Variants in ADORA2B observed in about 807,000 individuals in gnomAD.
ADORA2B encodes adenosine receptor A2b.
ADORA2B carries 18 observed loss-of-function variants against 20.8 expected under a neutral mutation model. That is an observed-to-expected ratio of 0.87 (90% CI 0.60 to 1.29). ADORA2B has a LOEUF of 1.29. Among genes scored for constraint, ADORA2B ranks in the 50% most tolerant of loss-of-function variants. ADORA2B has a pLI of 0.00. For missense variants in ADORA2B, 441 were observed against 422.7 expected, an observed-to-expected ratio of 1.04 and a Z score of -0.38; for synonymous variants, 179 against 178.3, an observed-to-expected ratio of 1.00 and a Z score of -0.03.
At chr17:15,966,338 G>A (rs999423594) in intron 1 of ADORA2B, among the ~76,000 whole-genome samples, 6 of 152,182 alleles carry the variant, frequency 3.9e-5, no homozygotes, top group African/African-American at 1.4e-4. Context: ...CGGGTTCTGG[G>A]GCTAGTGTTT....
At chr17:15,918,790 G>A in the ADORA2B span, among the ~76,000 whole-genome samples, 2 of 152,136 alleles carry the variant, frequency 1.3e-5, no homozygotes, top group Non-Finnish European at 2.9e-5. Context: ...ATTTCTTAGC[G>A]TAAGTACACC....
At chr17:15,892,298 AGCTG>A in the ADORA2B span, among the ~76,000 whole-genome samples, 2 of 152,070 alleles carry the variant, frequency 1.3e-5, no homozygotes, top group Non-Finnish European at 2.9e-5. Flanking sequence ...CCTTCTGAGT[AGCTG>A]GATTACAGAC....
the ADORA2B span, among the ~76,000 whole-genome samples, chr17:15,884,535 A>G: frequency 6.6e-6 from 1 of 152,128 alleles, no homozygotes; most frequent in Admixed American, 6.5e-5. Context: ...GAATAAGCCC[A>G]GCATCCATTA....
chr17:15,970,312 T>C (rs538956351), intron 1 of ADORA2B, among the ~76,000 whole-genome samples: 3 of 152,282 alleles, frequency 2.0e-5, no homozygotes, highest in Non-Finnish European at 4.4e-5. Flanking sequence ...CCCCACTGAT[T>C]TAATTAGCTG....
chr17:15,938,863 T>C, the ADORA2B span, among the ~76,000 whole-genome samples: 8 of 152,238 alleles, frequency 5.3e-5, no homozygotes, highest in Non-Finnish European at 1.2e-4. Context: ...ACATATGTAC[T>C]GTTATTGCAT....
the ADORA2B span, among the ~76,000 whole-genome samples, chr17:15,895,308 C>T: frequency 6.6e-6 from 1 of 152,194 alleles, no homozygotes; most frequent in African/African-American, 2.4e-5. Context: ...TTAACCATCA[C>T]AGAATGTATT....
the ADORA2B span, among the ~76,000 whole-genome samples, chr17:15,918,355 A>T: frequency 1.3e-5 from 2 of 152,154 alleles, no homozygotes; most frequent in Admixed American, 1.3e-4. Flanking sequence ...GGCCCCTTAA[A>T]AGTCGGAGTC....
intron 1 of ADORA2B, among the ~76,000 whole-genome samples, chr17:15,961,018 T>C (rs1970030640): frequency 6.7e-6 from 1 of 150,054 alleles, no homozygotes; most frequent in Non-Finnish European, 1.5e-5. Context: ...ATACAAAAAA[T>C]TAGCCAGGCG....
intron 1 of ADORA2B, among the ~76,000 whole-genome samples, chr17:15,948,212 C>T (rs1384587599): frequency 2.6e-5 from 4 of 152,032 alleles, no homozygotes; most frequent in East Asian, 1.9e-4. Context: ...CACCTGCCAC[C>T]GCATTGCCAA....
At chr17:15,929,272 G>GATGACAGTGGTGTGGA in the ADORA2B span, among the ~76,000 whole-genome samples, 3 of 152,192 alleles carry the variant, frequency 2.0e-5, no homozygotes, top group African/African-American at 7.2e-5. Flanking sequence ...ACCCTCTGGA[G>GATGACAGTGGTGTGGA]ATGACAGTGG....
Position 15,945,757 on chromosome 17 carries a change from G to T in ADORA2B, c.335+174G>T, listed in dbSNP as rs546288326. On this transcript the variant is annotated intron_variant, in intron 1 of 1. Coordinates refer to ENST00000304222, the MANE Select transcript of ADORA2B (RefSeq NM_000676.4). ...CCACCCCGCAACGCTAGACCAGTGC[G>T]CCCGGGCACCCAAGACATCCCAGAT... 2.0e-5 allele frequency among the ~76,000 whole-genome samples: 3 copies of T among 152,286 alleles called. No homozygotes were observed. The South Asian group carries it at 6.2e-4, about 32-fold the overall frequency.
chr17:15,943,933 C>G (rs1381503983), upstream of ADORA2B, among the ~76,000 whole-genome samples: 5 of 152,074 alleles, frequency 3.3e-5, no homozygotes. Flanking sequence ...GCCAGGAGTG[C>G]TCTAGAACAA....
the ADORA2B span, among the ~76,000 whole-genome samples, chr17:15,912,927 C>A: frequency 7.2e-5 from 11 of 152,240 alleles, no homozygotes; most frequent in African/African-American, 2.2e-4. Context: ...GGCTTCAGGC[C>A]ACTTAGTTGC....
chr17:15,900,073 G>T, the ADORA2B span, among the ~76,000 whole-genome samples: 10 of 152,058 alleles, frequency 6.6e-5, no homozygotes, highest in Admixed American at 1.3e-4. Context: ...CTCGTGATCC[G>T]CTTGCCTCGG....
Position 15,975,438 on chromosome 17 carries a change from A to G in ADORA2B, c.*96A>G, listed in dbSNP as rs1970245210. The G allele has an allele frequency of 3.0e-6, 4 of 1,328,788 alleles. No individual in the cohort carries two copies. Among genetic ancestry groups the G allele is most frequent in the Non-Finnish European group, 3.1e-6 (3 of 968,478 alleles). The allele number at this position is 1,328,788 out of a possible 1,614,324, so 82.3% of individuals were successfully genotyped here. A position where few individuals can be genotyped will look rare whatever the true frequency, so the allele number is the denominator to read the frequency against. On this transcript the variant is annotated 3_prime_UTR_variant, in exon 2 of 2. Coordinates refer to ENST00000304222, the MANE Select transcript of ADORA2B (RefSeq NM_000676.4). ...TTGTGAAAGATAGCTACACCTCACA[A>G]GGAAATGGACTGCCTCTCTTGAGCA...
At chr17:15,876,362 T>G in the ADORA2B span, among the ~76,000 whole-genome samples, 2 of 151,966 alleles carry the variant, frequency 1.3e-5, no homozygotes, top group African/African-American at 4.8e-5. Flanking sequence ...TTCAGGCTGT[T>G]GCCAGGATTC....
chr17:15,920,261 TG>T, the ADORA2B span, among the ~76,000 whole-genome samples: 5 of 152,124 alleles, frequency 3.3e-5, no homozygotes, highest in African/African-American at 1.2e-4. Flanking sequence ...AGTTACTTAA[TG>T]GGTGCAATGT....
At chr17:15,945,120 C>T (rs990081089), upstream of ADORA2B, 2 of 828,754 alleles carry the variant, frequency 2.4e-6, no homozygotes, top group South Asian at 4.4e-5. Flanking sequence ...GCGCCCCAGC[C>T]CCGAGGCTCA....
chr17:15,897,393 C>T, the ADORA2B span, among the ~76,000 whole-genome samples: 2 of 152,106 alleles, frequency 1.3e-5, no homozygotes, highest in Non-Finnish European at 2.9e-5. Context: ...CATAGCAAGA[C>T]GTTGTCTCTA....
Sources: allele counts gnomAD v4.1 joint callset (sites outside exome capture counted in the v4.1 genomes callset), GRCh38; gene constraint gnomAD v4.1.1; transcripts MANE v1.5; gene names NCBI Gene and HGNC (gene_info 2026-07-23, HGNC 2026-07-21).